The following RPGRIP1 variants were observed in gnomAD, a reference collection of about 807,000 sequenced individuals.
RPGRIP1 encodes the protein X-linked retinitis pigmentosa GTPase regulator-interacting protein 1.
RPGRIP1 carries 128 observed loss-of-function variants against 157.9 expected under a neutral mutation model. That is an observed-to-expected ratio of 0.81 (90% CI 0.70 to 0.94). The LOEUF (loss-of-function observed/expected upper bound fraction) is 0.94, where lower values mean the gene tolerates loss of function less well. RPGRIP1 is among the 40% of genes least tolerant of loss of function. The probability of loss-of-function intolerance (pLI) is 0.00; values close to 1 mark genes in which losing one functional copy is unlikely to be tolerated. For synonymous variants in RPGRIP1, 554 were observed against 571.6 expected (o/e 0.97, Z 0.44); for missense variants, 1,486 against 1,545.8 (o/e 0.96, Z 0.65).
intron 12 of RPGRIP1, 49 bp downstream of exon 12, chr14:21,320,226 G>A (rs1353953672): frequency 1.3e-6 from 2 of 1,486,404 alleles, no homozygotes; most frequent in East Asian, 2.3e-5. Flanking sequence ...GAGATCTCTG[G>A]CAAATATCTC....
chr14:21,329,989 G>T (rs988835402), intron 19 of RPGRIP1, among the ~76,000 whole-genome samples: 2 of 150,942 alleles, frequency 1.3e-5, no homozygotes, highest in South Asian at 4.2e-4. Context: ...GTGGTGACGG[G>T]CTCCTGTAAT....
At chr14:21,338,528 A>T (rs996523430) in intron 21 of RPGRIP1, among the ~76,000 whole-genome samples, 1 of 152,186 alleles carries the variant, frequency 6.6e-6, no homozygotes, top group African/African-American at 2.4e-5. Flanking sequence ...AATGGTTAAT[A>T]TTACTAATTG....
rs928431370 is a variant in RPGRIP1 at position 21,343,089 on chromosome 14, A to G, written c.3393A>G (p.Ala1131=). 6.2e-7 allele frequency: 1 copy of G among 1,613,544 alleles called. No individual in the cohort carries two copies. The highest frequency in any genetic ancestry group is 1.3e-5 in the African/African-American group (1 of 74,938). ...TCTCCCTGGCCTTCTACCCAGAGGCAGAAGTGATGTCTGATGAGAACATAA... is the reference window on the plus strand; with the variant it reads ...TCTCCCTGGCCTTCTACCCAGAGGCGGAAGTGATGTCTGATGAGAACATAA... The part of the protein sequence containing the change: ...EIVSLAFYPE[A]EVMSDENIKQ... The change falls in exon 22 of 25, where the codon GCA becomes GCG. Residue 1131 remains alanine, a synonymous_variant. Coordinates refer to ENST00000400017, the MANE Select transcript of RPGRIP1 (RefSeq NM_020366.4).
intron 23 of RPGRIP1, among the ~76,000 whole-genome samples, chr14:21,347,782 G>A (rs1301576177): frequency 2.0e-5 from 3 of 152,132 alleles, no homozygotes; most frequent in African/African-American, 4.8e-5. Context: ...AGGTTGAAGT[G>A]CAGTGGCATG....
At chr14:21,326,225 C>G (rs1883091062) in intron 17 of RPGRIP1, 52 bp downstream of exon 17, 2 of 1,217,444 alleles carry the variant, frequency 1.6e-6, no homozygotes, top group East Asian at 4.7e-5. Flanking sequence ...GTGTTGTCTC[C>G]CTGTCCTGAT....
At chr14:21,280,713 TC>T (rs1241866401) in intron 1 of RPGRIP1, among the ~76,000 whole-genome samples, 1 of 151,786 alleles carries the variant, frequency 6.6e-6, no homozygotes, top group Non-Finnish European at 1.5e-5. Context: ...TATTCTTCCA[TC>T]CCCCACCCCC....
intron 21 of RPGRIP1, among the ~76,000 whole-genome samples, chr14:21,338,327 T>G (rs533013056): frequency 6.6e-6 from 1 of 152,296 alleles, no homozygotes; most frequent in South Asian, 2.1e-4. Context: ...TCAAAATTTT[T>G]TCTCTTATCG....
intron 20 of RPGRIP1, among the ~76,000 whole-genome samples, chr14:21,330,614 C>T (rs542254309): frequency 3.4e-4 from 52 of 151,926 alleles, no homozygotes; most frequent in African/African-American, 1.1e-3. Flanking sequence ...TGCAGTGAGC[C>T]GAGATTGCAC....
intron 1 of RPGRIP1, among the ~76,000 whole-genome samples, chr14:21,281,885 G>C (rs1880145014): frequency 6.6e-6 from 1 of 151,752 alleles, no homozygotes; most frequent in African/African-American, 2.4e-5. Flanking sequence ...CCAAGGTCCG[G>C]AGTTCGAGAC....
At chr14:21,290,741 C>G (rs1321477778) in intron 2 of RPGRIP1, among the ~76,000 whole-genome samples, 2 of 151,960 alleles carry the variant, frequency 1.3e-5, no homozygotes, top group Non-Finnish European at 2.9e-5. Context: ...ATGGCGTGAA[C>G]CCGGGAGGCG....
Position 21,305,005 on chromosome 14 carries a change from T to C in RPGRIP1, c.800+1462T>C, listed in dbSNP as rs112518526. Among the ~76,000 whole-genome samples, 164 of 152,262 alleles carry C rather than the reference T, an allele frequency of 1.1e-3. 3 individuals carry two copies. The highest frequency in any genetic ancestry group is 1.6e-4 in the Non-Finnish European group (11 of 68,016). ...TTTTAGTAGAGACGGGGTTTCACCA[T>C]GTTAGCCAGGATGGTCTCGATCTCC... On this transcript the variant is annotated intron_variant, in intron 6 of 24. Coordinates refer to ENST00000400017, the MANE Select transcript of RPGRIP1 (RefSeq NM_020366.4).
At chr14:21,297,384 C>T (rs943128706) in intron 3 of RPGRIP1, among the ~76,000 whole-genome samples, 5 of 152,228 alleles carry the variant, frequency 3.3e-5, no homozygotes, top group Admixed American at 6.6e-5. Flanking sequence ...TGTGAGCCAC[C>T]GCGCCTGTCC....
In RPGRIP1 at chr14:21,303,724, C is replaced by T. The variant is rs568712931; in HGVS notation, c.800+181C>T. 2.6e-5 allele frequency among the ~76,000 whole-genome samples: 4 copies of T among 152,276 alleles called. No homozygotes were observed. In the East Asian group the frequency reaches 7.7e-4, roughly 29 times the overall value. On this transcript the variant is annotated intron_variant, in intron 6 of 24. Coordinates refer to ENST00000400017, the MANE Select transcript of RPGRIP1 (RefSeq NM_020366.4). ...ATTAACCTGCGGGCACCATGGATCA[C>T]GCCTGTAATCCCAGCACTTTGGGAG...
At chr14:21,285,118 A>G (rs1880253887) in intron 1 of RPGRIP1, among the ~76,000 whole-genome samples, 1 of 151,980 alleles carries the variant, frequency 6.6e-6, no homozygotes, top group Non-Finnish European at 1.5e-5. Context: ...ACAATAAACT[A>G]GTATAAATAA....
At chr14:21,348,721 A>G (rs1176487257) in intron 24 of RPGRIP1, among the ~76,000 whole-genome samples, 1 of 136,850 alleles carries the variant, frequency 7.3e-6, no homozygotes, top group Non-Finnish European at 1.5e-5. Context: ...GCTGGAGTGC[A>G]GTGGTGTGAT....
Position 21,328,676 on chromosome 14 carries a change from C to T in RPGRIP1, c.3099+49C>T, listed in dbSNP as rs767181574. ...CACTAAATTGTGGGTTGTAGTGTCC[C>T]CAGATGTATTATTCTCAGAGGTAGA... On this transcript the variant is annotated intron_variant, in intron 19 of 24. Coordinates refer to ENST00000400017, the MANE Select transcript of RPGRIP1 (RefSeq NM_020366.4). 4 of 1,274,432 alleles carry T rather than the reference C, an allele frequency of 3.1e-6. No homozygotes were observed. In the African/African-American group the frequency reaches 5.9e-5, roughly 19 times the overall value. The allele number at this position is 1,274,432 out of a possible 1,614,324, so 78.9% of individuals were successfully genotyped here.
intron 23 of RPGRIP1, 44 bp downstream of exon 23, chr14:21,345,241 C>A: frequency 7.0e-7 from 1 of 1,432,308 alleles, no homozygotes; most frequent in Non-Finnish European, 9.7e-7. Context: ...GATATTGAGA[C>A]AGAAATTCAA....
chr14:21,317,697 A>C lies in RPGRIP1; in HGVS notation c.1153A>C (p.Met385Leu). Residue 385 changes from methionine (M) to leucine (L), a missense_variant and splice_region_variant, in exon 11 of 25, where the codon ATG becomes CTG. By Grantham distance (15) the Met-to-Leu change is conservative. Transcript: ENST00000400017. ...TGAGAGCTTGCTTTCCATTGCCAGC[A>C]TGCTGGACAGCAGTGACAGCTCCAG... ...NDNYDKLLES[M>L]LDSSDSSSQP... The C allele has an allele frequency of 6.3e-7, 1 of 1,582,638 alleles. No homozygotes were observed. Among genetic ancestry groups the C allele is most frequent in the African/African-American group, 1.3e-5 (1 of 74,378 alleles).
intron 8 of RPGRIP1, 119 bp from the exon 9 acceptor site, chr14:21,311,705 C>A: frequency 1.3e-6 from 1 of 745,650 alleles, no homozygotes; most frequent in Non-Finnish European, 2.2e-6. Flanking sequence ...AGGTAATAAG[C>A]TATTAATCAA....
Sources: gnomAD v4.1 joint callset for allele counts (sites outside exome capture counted in the v4.1 genomes callset) on GRCh38, gnomAD v4.1.1 for gene constraint, MANE v1.5 for transcripts, NCBI Gene and HGNC (gene_info 2026-07-23, HGNC 2026-07-21) for gene names.